SPEN: variants seen among roughly 807,000 people sequenced by gnomAD.
SPEN encodes spen family transcriptional repressor.
SPEN carries 18 observed loss-of-function variants against 269.9 expected under a neutral mutation model. That is an observed-to-expected ratio of 0.07 (90% CI 0.05 to 0.10). The LOEUF (loss-of-function observed/expected upper bound fraction) is 0.10. SPEN is among the 10% of genes least tolerant of loss of function. The probability of loss-of-function intolerance (pLI) is 1.00; values close to 1 mark genes in which losing one functional copy is unlikely to be tolerated. For missense variants in SPEN, 3,822 were observed against 4,631.2 expected (o/e 0.83, Z 5.07); for synonymous variants, 1,726 against 1,765.7 (o/e 0.98, Z 0.56).
intron 1 of SPEN, among the ~76,000 whole-genome samples, chr1:15,861,152 A>C (rs1434197190): frequency 7.6e-6 from 1 of 131,104 alleles, no homozygotes; most frequent in African/African-American, 2.9e-5. Flanking sequence ...TTTTTTTTTG[A>C]GACGGAATCT....
chr1:15,909,928 A>G (rs1260834223), intron 4 of SPEN, among the ~76,000 whole-genome samples: 4 of 151,998 alleles, frequency 2.6e-5, no homozygotes, highest in Admixed American at 2.0e-4. Flanking sequence ...GATCGAGACC[A>G]TCCTGGCTAA....
Position 15,929,750 on chromosome 1 carries a change from A to G in SPEN, c.3510A>G (p.Arg1170=), listed in dbSNP as rs952114437. The G allele has an allele frequency of 6.8e-6, 11 of 1,614,212 alleles. No homozygotes were observed. The highest frequency in any genetic ancestry group is 2.7e-5 in the African/African-American group (2 of 75,068). The change falls in exon 11 of 15, where the codon CGA becomes CGG. Residue 1170 remains arginine, a synonymous_variant. Transcript: ENST00000375759. This position sits in a 1 kb window ranked among gnomAD's most constrained non-coding sequence, Gnocchi z 5.8. The stretch of plus-strand genomic sequence containing the variant: ...ACATCGATCACACGCAGAGTTACCG[A>G]AAACAAATGGAACAGAGTCGTAGGA... The part of the protein sequence containing the change: ...GIDIDHTQSY[R]KQMEQSRRKQ...
rs1375093522 is a variant in SPEN, at chr1:15,933,546, C to A, written c.7306C>A (p.Gln2436Lys). 6.2e-7 allele frequency: 1 copy of A among 1,614,016 alleles called. No individual in the cohort carries two copies. Among genetic ancestry groups the A allele is most frequent in the South Asian group, 1.1e-5 (1 of 91,064 alleles). The part of the protein sequence containing the change: ...SVPPDLPPPP[Q>K]PAPVDEEPQA... ...GCCCCCAGACCTTCCCCCACCTCCC[C>A]AGCCAGCACCGGTGGATGAGGAGCC... The change falls in exon 11 of 15, where the codon CAG (glutamine) becomes AAG (lysine). Residue 2436 changes from glutamine (Q) to lysine (K), a missense_variant. Around this residue, in one of 16 missense-constraint regions of SPEN, gnomAD observed 727 missense variants for 737.9 expected, o/e 0.99. Transcript: ENST00000375759. The surrounding 1 kb of genome is among the most constrained non-coding windows in gnomAD (Gnocchi z 5.7).
intron 3 of SPEN, among the ~76,000 whole-genome samples, chr1:15,895,326 T>C (rs1015531462): frequency 2.4e-4 from 36 of 152,294 alleles, no homozygotes; most frequent in African/African-American, 7.7e-4. Flanking sequence ...CTCCCATTCC[T>C]CCCTCTCTTA....
At chr1:15,898,359 C>T (rs939590267) in intron 3 of SPEN, among the ~76,000 whole-genome samples, 6 of 151,936 alleles carry the variant, frequency 3.9e-5, no homozygotes, top group African/African-American at 1.5e-4. Context: ...TAAATAATAA[C>T]TCCCAATTCT....
At chr1:15,867,709 T>G (rs985303191) in intron 1 of SPEN, among the ~76,000 whole-genome samples, 1 of 151,430 alleles carries the variant, frequency 6.6e-6, no homozygotes, top group Admixed American at 6.6e-5. Context: ...TAGTTGTCAT[T>G]GCCTTTTTTT....
chr1:15,878,170 A>G (rs16852058), intron 3 of SPEN, among the ~76,000 whole-genome samples: 5,294 of 152,260 alleles, frequency 0.035, 295 homozygotes, highest in African/African-American at 0.12. Context: ...TCAATTTGTT[A>G]ATCCCACATG....
Position 15,876,207 on chromosome 1 carries a change from C to T in SPEN, c.410C>T (p.Ser137Leu). ...GRYERRLDGA[S>L]DNRERAYEHS... ...TTTCCCCCTCCTAAATGCAGGGCTT[C>T]AGATAACAGGGAGCGTGCTTATGAA... Residue 137 changes from serine to leucine, a missense_variant, in exon 3 of 15, where the codon TCA (serine) becomes TTA (leucine). Ser to Leu is a moderately radical substitution (Grantham distance 145). Around this residue, in one of 16 missense-constraint regions of SPEN, gnomAD observed 327 missense variants for 350.8 expected, o/e 0.93. Transcript: ENST00000375759. 1 of 1,607,994 alleles carries T rather than the reference C, an allele frequency of 6.2e-7. No homozygotes were observed.
chr1:15,922,159 G>A (rs534422312), intron 9 of SPEN, 90 bp from the exon 10 acceptor site: 54 of 925,746 alleles, frequency 5.8e-5, no homozygotes, highest in East Asian at 3.7e-4. Flanking sequence ...TCTCAGAAGG[G>A]CTATGTTGTG....
At position 15,848,205 on chromosome 1, in the gene SPEN, C is replaced by G; in HGVS notation, c.83+55C>G. 7.7e-7 allele frequency: 1 copy of G among 1,306,036 alleles called. No individual in the cohort carries two copies. The highest frequency in any genetic ancestry group is 1.0e-6 in the Non-Finnish European group (1 of 973,214). The allele number at this position is 1,306,036 out of a possible 1,614,324, so 80.9% of individuals were successfully genotyped here. On this transcript the variant is annotated intron_variant, in intron 1 of 14. Coordinates refer to ENST00000375759, the MANE Select transcript of SPEN (RefSeq NM_015001.3). The surrounding 1 kb of genome is among the most constrained non-coding windows in gnomAD (Gnocchi z 5.1). ...CGCTCCTCGGGCGCCGCTTCCCGCCCCGGCCCGTTGCCGGCCCCTCCCGGA... is the reference window on the plus strand; with the variant it reads ...CGCTCCTCGGGCGCCGCTTCCCGCCGCGGCCCGTTGCCGGCCCCTCCCGGA...
intron 1 of SPEN, among the ~76,000 whole-genome samples, chr1:15,852,299 C>G (rs2148700919): frequency 6.6e-6 from 1 of 152,246 alleles, no homozygotes; most frequent in African/African-American, 2.4e-5. Flanking sequence ...CCACCCCCAT[C>G]CCGTCTATGA....
intron 1 of SPEN, among the ~76,000 whole-genome samples, chr1:15,869,509 A>G (rs928926081): frequency 2.0e-5 from 3 of 152,202 alleles, no homozygotes; most frequent in Non-Finnish European, 4.4e-5. Context: ...GATTTAACTG[A>G]GTTCAAAAGA....
At position 15,929,449 on chromosome 1, in the gene SPEN, C is replaced by T. The variant is rs772769564; in HGVS notation, c.3209C>T (p.Ala1070Val). The stretch of plus-strand genomic sequence containing the variant: ...AGCCCCAAAGACTGTCAGGAGCTTG[C>T]CAGTATTTCTGTTGGGTCTGGCTCA... The part of the protein sequence containing the change: ...VASPKDCQEL[A>V]SISVGSGSRP... The change falls in exon 11 of 15, where the codon GCC (alanine) becomes GTC (valine). Residue 1070 changes from alanine to valine, a missense_variant. Coordinates refer to ENST00000375759, the MANE Select transcript of SPEN (RefSeq NM_015001.3). This position sits in a 1 kb window ranked among gnomAD's most constrained non-coding sequence, Gnocchi z 5.8. 6 of 1,613,430 alleles carry T rather than the reference C, an allele frequency of 3.7e-6. No homozygotes were observed. In the Admixed American group the frequency reaches 1.0e-4, roughly 27 times the overall value.
At chr1:15,910,623 T>G (rs2148728997) in intron 4 of SPEN, among the ~76,000 whole-genome samples, 1 of 149,210 alleles carries the variant, frequency 6.7e-6, no homozygotes, top group Non-Finnish European at 1.5e-5. Context: ...TCCTACTGTT[T>G]TTTGTTTTTT....
chr1:15,905,260 T>A (rs1454494180), intron 3 of SPEN, among the ~76,000 whole-genome samples: 1 of 151,982 alleles, frequency 6.6e-6, no homozygotes, highest in Non-Finnish European at 1.5e-5. Context: ...TTGCTGTTGT[T>A]GCCCAGGCTG....
chr1:15,909,242 T>G, intron 3 of SPEN, 79 bp from the exon 4 acceptor site: 1 of 1,481,718 alleles, frequency 6.7e-7, no homozygotes. Context: ...GACCTATTAG[T>G]TATTTTAAGA....
At position 15,937,513 on chromosome 1, in the gene SPEN, C is replaced by T. The variant is rs771787372; in HGVS notation, c.10377C>T (p.Val3459=). ...CTGCCCCAAAACAGCCGTTGTTTGTCCCAACAACCTCTGGCCCCAGCACCC... is the reference window on the plus strand; with the variant it reads ...CTGCCCCAAAACAGCCGTTGTTTGTTCCAACAACCTCTGGCCCCAGCACCC... ...TQTAPKQPLF[V]PTTSGPSTPP... Residue 3459 remains valine (V), a synonymous_variant, in exon 12 of 15, where the codon GTC becomes GTT. Coordinates refer to ENST00000375759, the MANE Select transcript of SPEN (RefSeq NM_015001.3). The surrounding 1 kb of genome is among the most constrained non-coding windows in gnomAD (Gnocchi z 5.7). The T allele has an allele frequency of 3.7e-6, 6 of 1,614,114 alleles. No homozygotes were observed. The South Asian group carries it at 4.4e-5, about 12-fold the overall frequency.
At chr1:15,857,417 C>T (rs867754255) in intron 1 of SPEN, among the ~76,000 whole-genome samples, 3 of 151,568 alleles carry the variant, frequency 2.0e-5, no homozygotes, top group Admixed American at 6.6e-5. Flanking sequence ...AGTGCAGTGG[C>T]GTGATCTCAG....
rs1448240896 is a variant in SPEN, at chr1:15,928,769, G to A, written c.2529G>A (p.Glu843=). 1.2e-6 allele frequency: 2 copies of A among 1,613,980 alleles called. No individual in the cohort carries two copies. Among genetic ancestry groups the A allele is most frequent in the Non-Finnish European group, 1.7e-6 (2 of 1,180,052 alleles). Residue 843 remains glutamate, a synonymous_variant, in exon 11 of 15, where the codon GAG becomes GAA. Coordinates refer to ENST00000375759, the MANE Select transcript of SPEN (RefSeq NM_015001.3). This position sits in a 1 kb window ranked among gnomAD's most constrained non-coding sequence, Gnocchi z 5.7. ...SQSSETDQEN[E]REQSPEKPRS... ...CTTCAGAAACGGACCAAGAAAATGA[G>A]CGAGAGCAAAGCCCTGAAAAGCCCA...
Sources: allele counts gnomAD v4.1 joint callset (sites outside exome capture counted in the v4.1 genomes callset), GRCh38; gene constraint gnomAD v4.1.1; regional missense constraint gnomAD v4.1.1; non-coding constraint Gnocchi (gnomAD v3.1); transcripts MANE v1.5; gene names NCBI Gene and HGNC (gene_info 2026-07-23, HGNC 2026-07-21).